Variants in WRN observed in about 807,000 individuals in gnomAD.
The protein encoded by WRN is WRN RecQ like helicase, also known as bifunctional 3'-5' exonuclease/ATP-dependent helicase WRN.
A neutral mutation model predicts 180.7 loss-of-function variants in WRN; 149 were observed. The observed-to-expected ratio is 0.82, with a 90% CI of 0.72 to 0.94. The LOEUF (loss-of-function observed/expected upper bound fraction) is 0.94, where lower values mean the gene tolerates loss of function less well. Ranked by LOEUF, WRN falls within the 40% of genes least tolerant of loss-of-function variation. WRN has a pLI of 0.00. For synonymous variants in WRN, 548 were observed against 568.9 expected (o/e 0.96, Z 0.52); for missense variants, 1,661 against 1,700.1 (o/e 0.98, Z 0.40).
intron 34 of WRN, among the ~76,000 whole-genome samples, chr8:31,172,449 A>G (rs11574406): frequency 0.063 from 9,609 of 152,238 alleles, 340 homozygotes; most frequent in South Asian, 0.087. Flanking sequence ...TGATTCTTAG[A>G]TGAGTCTATG....
chr8:31,049,409 G>A (rs1328407601), intron 1 of WRN, among the ~76,000 whole-genome samples: 1 of 151,246 alleles, frequency 6.6e-6, no homozygotes, highest in African/African-American at 2.4e-5. Flanking sequence ...GCATGTGCCT[G>A]TAGTCCCAGC....
chr8:31,172,825 A>G (rs184291131), intron 34 of WRN, among the ~76,000 whole-genome samples, 170 bp from the exon 35 acceptor site: 4 of 152,332 alleles, frequency 2.6e-5, no homozygotes, highest in Admixed American at 6.5e-5. Context: ...TGTGTGTCTT[A>G]TATTTATTTA....
In WRN at chr8:31,172,536, G is replaced by T. The variant is rs180881908; in HGVS notation, c.4192-459G>T. On this transcript the variant is annotated intron_variant, in intron 34 of 34. Coordinates refer to ENST00000298139, the MANE Select transcript of WRN (RefSeq NM_000553.6). ...TACTATGCCTTGGCCACTCTACAGG[G>T]TGCTGATTGGACCAGTCTGTCTACC... 1.3e-3 allele frequency among the ~76,000 whole-genome samples: 197 copies of T among 152,284 alleles called. 1 individual carries two copies. The highest frequency in any genetic ancestry group is 4.7e-3 in the Admixed American group (72 of 15,296).
intron 18 of WRN, among the ~76,000 whole-genome samples, chr8:31,109,034 A>T (rs1801201739): frequency 6.6e-6 from 1 of 152,222 alleles, no homozygotes; most frequent in African/African-American, 2.4e-5. Context: ...AGTTGCTGAA[A>T]TACAAAATTA....
Position 31,099,412 on chromosome 8 carries a change from AAGG to A in WRN, c.1982-1435_1982-1433del, listed in dbSNP as rs200309392. On this transcript the variant is annotated intron_variant, in intron 17 of 34. Transcript: ENST00000298139. ...GAAGGAAGGAAGGAAGGAAGGAAGGAAGGAAAAATCAGTCACTCACTCAGGTTT... is the reference window on the plus strand; with the variant it reads ...GAAGGAAGGAAGGAAGGAAGGAAGGAAAAAATCAGTCACTCACTCAGGTTT... Among the ~76,000 whole-genome samples, 42 of 151,890 alleles carry A rather than the reference AAGG, an allele frequency of 2.8e-4. No individual in the cohort carries two copies. The East Asian group carries it at 8.2e-3, about 29-fold the overall frequency.
At chr8:31,036,225 A>G (rs1271161824) in intron 1 of WRN, among the ~76,000 whole-genome samples, 1 of 152,158 alleles carries the variant, frequency 6.6e-6, no homozygotes, top group Non-Finnish European at 1.5e-5. Flanking sequence ...ATACTATTCC[A>G]TTGTATATGT....
At chr8:31,049,929 TATATA>T (rs1473224068) in intron 1 of WRN, among the ~76,000 whole-genome samples, 1 of 151,704 alleles carries the variant, frequency 6.6e-6, no homozygotes, top group African/African-American at 2.4e-5. Context: ...AATACTATAA[TATATA>T]ATAATTATAT....
At position 31,078,748 on chromosome 8, in the gene WRN, T is replaced by G. The variant is rs920025807; in HGVS notation, c.840-2119T>G. ...ATGTACTTGACATTCTGCTGGGTGC[T>G]AAGGCTGTCTGCAGGCTACTAATAT... On this transcript the variant is annotated intron_variant, in intron 8 of 34. Transcript: ENST00000298139. Among the ~76,000 whole-genome samples, 8 of 152,322 alleles carry G rather than the reference T, an allele frequency of 5.3e-5. No individual in the cohort carries two copies. In the East Asian group the frequency reaches 1.5e-3, roughly 29 times the overall value.
chr8:31,166,084 G>A (rs1325690115), intron 33 of WRN, among the ~76,000 whole-genome samples: 2 of 151,900 alleles, frequency 1.3e-5, no homozygotes, highest in Non-Finnish European at 2.9e-5. Flanking sequence ...AGTATTTTGA[G>A]GAGTCTTGGA....
chr8:31,042,945 A>G (rs1811713815), intron 1 of WRN, among the ~76,000 whole-genome samples: 1 of 152,240 alleles, frequency 6.6e-6, no homozygotes, highest in Non-Finnish European at 1.5e-5. Context: ...AGTCAGATCA[A>G]GAAGTGGTCT....
intron 4 of WRN, 136 bp from the exon 5 acceptor site, chr8:31,064,779 C>A: frequency 9.2e-7 from 1 of 1,092,748 alleles, no homozygotes; most frequent in Non-Finnish European, 1.3e-6. Context: ...TTAAGAAATA[C>A]TCAAGGTCAA....
intron 34 of WRN, among the ~76,000 whole-genome samples, chr8:31,172,163 G>A (rs1400897443): frequency 6.7e-6 from 1 of 149,646 alleles, no homozygotes; most frequent in African/African-American, 2.4e-5. Flanking sequence ...GTGTGTGCCT[G>A]TGTGTGTGTT....
chr8:31,124,494 A>G, intron 21 of WRN, 28 bp from the exon 22 acceptor site: 9 of 1,546,794 alleles, frequency 5.8e-6, no homozygotes, highest in Non-Finnish European at 8.0e-6. Flanking sequence ...ACAGTTTTAC[A>G]TATTCCTGTG....
At chr8:31,047,354 C>A (rs1432113637) in intron 1 of WRN, among the ~76,000 whole-genome samples, 2 of 152,072 alleles carry the variant, frequency 1.3e-5, no homozygotes, top group Non-Finnish European at 2.9e-5. Context: ...GTTGCCTAGG[C>A]TGGACTCAAG....
intron 1 of WRN, among the ~76,000 whole-genome samples, chr8:31,052,247 T>C (rs1161660702): frequency 1.3e-5 from 2 of 152,220 alleles, no homozygotes; most frequent in Non-Finnish European, 2.9e-5. Context: ...ATGCATGTTC[T>C]TATAGAAAAG....
chr8:31,108,996 A>G (rs1801200515), intron 18 of WRN, among the ~76,000 whole-genome samples: 1 of 152,186 alleles, frequency 6.6e-6, no homozygotes, highest in South Asian at 2.1e-4. Context: ...GAGGGCAGTA[A>G]TTGGTTCTTT....
intron 30 of WRN, among the ~76,000 whole-genome samples, chr8:31,147,995 C>T (rs1418975378): frequency 2.6e-5 from 4 of 151,078 alleles, no homozygotes; most frequent in African/African-American, 7.3e-5. Context: ...TCAAGCTATC[C>T]TCGCACCTCA....
In WRN at chr8:31,076,193, G is replaced by C; in HGVS notation, c.745G>C (p.Asp249His). 1 of 1,613,682 alleles carries C rather than the reference G, an allele frequency of 6.2e-7. No individual in the cohort carries two copies. Residue 249 changes from aspartate to histidine, a missense_variant, in exon 8 of 35, where the codon GAC becomes CAC. By Grantham distance (81) the Asp-to-His change is moderately conservative (BLOSUM62 -1). Coordinates refer to ENST00000298139, the MANE Select transcript of WRN (RefSeq NM_000553.6). Reference sequence around the variant, plus strand: ...CCTAGAGGAAGAAATCCTACTTAGCGACATGAACAAACAGTTGACTTCAAT... The same window carrying C: ...CCTAGAGGAAGAAATCCTACTTAGCCACATGAACAAACAGTTGACTTCAAT... Reference protein sequence around the residue: ...INKEEEILLSDMNKQLTSISE... With the variant: ...INKEEEILLSHMNKQLTSISE...
chr8:31,098,838 C>T (rs1284942601), intron 17 of WRN, among the ~76,000 whole-genome samples: 2 of 152,102 alleles, frequency 1.3e-5, no homozygotes, highest in Non-Finnish European at 2.9e-5. Flanking sequence ...TAAGGTTTAG[C>T]TCCATTAAAA....
Sources: allele counts gnomAD v4.1 joint callset (sites outside exome capture counted in the v4.1 genomes callset), GRCh38; gene constraint gnomAD v4.1.1; transcripts MANE v1.5; gene names NCBI Gene and HGNC (gene_info 2026-07-23, HGNC 2026-07-21).